Variants in BORCS7 observed in about 807,000 individuals in gnomAD.
The protein encoded by BORCS7 is BLOC-1-related complex subunit 7.
A neutral mutation model predicts 17.5 loss-of-function variants in BORCS7; 20 were observed. That is an observed-to-expected ratio of 1.14 (90% CI 0.80 to 1.66). The LOEUF is 1.66. Ranked by LOEUF, BORCS7 falls within the 40% of genes most tolerant of loss-of-function variation. The pLI, the probability that BORCS7 is intolerant of heterozygous loss-of-function variation, is 0.00. For missense variants in BORCS7, 122 were observed against 129.7 expected, an observed-to-expected ratio of 0.94 and a Z score of 0.29; for synonymous variants, 57 against 49.8, an observed-to-expected ratio of 1.14 and a Z score of -0.61.
At chr10:102,858,251 A>G (rs1844462446) in intron 1 of BORCS7, among the ~76,000 whole-genome samples, 1 of 151,906 alleles carries the variant, frequency 6.6e-6, no homozygotes, top group Non-Finnish European at 1.5e-5. Context: ...AAGTACACAT[A>G]GTATGTTACA....
At chr10:102,859,566 T>C (rs1325982771) in intron 1 of BORCS7, among the ~76,000 whole-genome samples, 1 of 148,668 alleles carries the variant, frequency 6.7e-6, no homozygotes, top group Non-Finnish European at 1.5e-5. Flanking sequence ...TCCATTTTTT[T>C]TTTCTTTTTT....
chr10:102,855,182 C>T (rs1300280966), intron 1 of BORCS7, among the ~76,000 whole-genome samples: 1 of 129,742 alleles, frequency 7.7e-6, no homozygotes, highest in African/African-American at 3.0e-5. Flanking sequence ...TTTTTTGAGA[C>T]GGAGTCTAGC....
At position 102,863,268 on chromosome 10, in the gene BORCS7, G is replaced by C. The variant is rs1192983791; in HGVS notation, c.*344G>C. On this transcript the variant is annotated 3_prime_UTR_variant, in exon 5 of 5. Transcript: ENST00000339834. ...GAGAATCGCTTGAACCCAGGAGGTGGAGGTTGCAGTGAGCCAAGATCGCGC... is the reference window on the plus strand; with the variant it reads ...GAGAATCGCTTGAACCCAGGAGGTGCAGGTTGCAGTGAGCCAAGATCGCGC... 1 of 175,586 alleles carries C rather than the reference G, an allele frequency of 5.7e-6. No individual in the cohort carries two copies. Among genetic ancestry groups the C allele is most frequent in the Non-Finnish European group, 1.2e-5 (1 of 83,174 alleles). The allele number at this position is 175,586 out of a possible 1,614,324, so 10.9% of individuals were successfully genotyped here.
intron 1 of BORCS7, among the ~76,000 whole-genome samples, chr10:102,857,172 C>T (rs1844440274): frequency 6.6e-6 from 1 of 152,154 alleles, no homozygotes; most frequent in African/African-American, 2.4e-5. Context: ...ACTCCTGCCC[C>T]ACTACATGCT....
At chr10:102,862,777 G>A (rs1460673793) in intron 4 of BORCS7, 96 bp from the exon 5 acceptor site, 1 of 1,040,676 alleles carries the variant, frequency 9.6e-7, no homozygotes, top group South Asian at 1.3e-5. Flanking sequence ...GTGAGACCCT[G>A]TCTGTAATGG....
In BORCS7 at chr10:102,863,931, C is replaced by T. The variant is rs567120770; in HGVS notation, c.*1007C>T. 9.9e-5 allele frequency: 15 copies of T among 152,170 alleles called. No individual in the cohort carries two copies. The highest frequency in any genetic ancestry group is 1.9e-4 in the Non-Finnish European group (13 of 68,030). The allele number at this position is 152,170 out of a possible 1,614,324, so 9.4% of individuals were successfully genotyped here. On this transcript the variant is annotated 3_prime_UTR_variant, in exon 5 of 5. Transcript: ENST00000339834. Reference sequence around the variant, plus strand: ...ATCATCAGCAAATTCACTTGCATGACGTTACTGCCAAATATGAAGGCAGTT... The same window carrying T: ...ATCATCAGCAAATTCACTTGCATGATGTTACTGCCAAATATGAAGGCAGTT...
In BORCS7 at chr10:102,860,820, G is replaced by A. The variant is rs147384542; in HGVS notation, c.248+279G>A. 65 of 549,216 alleles carry A rather than the reference G, an allele frequency of 1.2e-4. 1 individual carries two copies. Among genetic ancestry groups the A allele is most frequent in the South Asian group, 8.8e-4 (40 of 45,358 alleles). 34.0% of individuals were successfully genotyped at this position (549,216 alleles called of 1,614,324 possible). A position where few individuals can be genotyped will look rare whatever the true frequency, so the allele number is the denominator to read the frequency against. Reference sequence around the variant, plus strand: ...TATAAACCCTGTAAAGGCAGGGCCCGTGCCAGGACCATGCTAGCACTGTAC... The same window carrying A: ...TATAAACCCTGTAAAGGCAGGGCCCATGCCAGGACCATGCTAGCACTGTAC... On this transcript the variant is annotated intron_variant, in intron 3 of 4. Transcript: ENST00000339834.
At chr10:102,860,656 G>C (rs1844502693) in intron 3 of BORCS7, 115 bp downstream of exon 3, 1 of 1,120,192 alleles carries the variant, frequency 8.9e-7, no homozygotes, top group African/African-American at 1.5e-5. Context: ...GTAAAGGTGG[G>C]GGTGGCCAAG....
At chr10:102,857,666 C>T (rs187819414) in intron 1 of BORCS7, among the ~76,000 whole-genome samples, 1 of 152,088 alleles carries the variant, frequency 6.6e-6, no homozygotes, top group African/African-American at 2.4e-5. Flanking sequence ...ATTTTTTGTA[C>T]CACTACTTAC....
chr10:102,862,798 T>A (rs993156597), intron 4 of BORCS7, 75 bp from the exon 5 acceptor site: 49 of 1,387,044 alleles, frequency 3.5e-5, no homozygotes, highest in East Asian at 9.2e-5. Context: ...AAAAAAAAAA[T>A]TTGTAAATAG....
At chr10:102,859,989 T>C (rs1442997548) in intron 1 of BORCS7, among the ~76,000 whole-genome samples, 1 of 152,210 alleles carries the variant, frequency 6.6e-6, no homozygotes, top group Admixed American at 6.5e-5. Flanking sequence ...TTACGAGTCA[T>C]GTTCTCTCAC....
intron 1 of BORCS7, among the ~76,000 whole-genome samples, chr10:102,856,192 C>T (rs934025672): frequency 2.6e-5 from 4 of 152,124 alleles, no homozygotes; most frequent in African/African-American, 9.7e-5. Context: ...TCTTGCATGC[C>T]TGCGCTTCTC....
chr10:102,863,064 G>A lies in BORCS7; in HGVS notation c.*140G>A, dbSNP rs1358868741. Reference sequence around the variant, plus strand: ...AAAGTTCTGTGTTAGGGCCGGGCGCGGTAGCTCACGCCTGTAATCCCAGCA... The same window carrying A: ...AAAGTTCTGTGTTAGGGCCGGGCGCAGTAGCTCACGCCTGTAATCCCAGCA... On this transcript the variant is annotated 3_prime_UTR_variant, in exon 5 of 5. Coordinates refer to ENST00000339834, the MANE Select transcript of BORCS7 (RefSeq NM_001136200.2). 6 of 718,944 alleles carry A rather than the reference G, an allele frequency of 8.3e-6. No homozygotes were observed. The highest frequency in any genetic ancestry group is 1.7e-5 in the South Asian group (1 of 58,584). 44.5% of individuals were successfully genotyped at this position (718,944 alleles called of 1,614,324 possible). A position where few individuals can be genotyped will look rare whatever the true frequency, so the allele number is the denominator to read the frequency against.
intron 3 of BORCS7, 82 bp from the exon 4 acceptor site, chr10:102,862,078 T>C: frequency 7.5e-7 from 1 of 1,332,980 alleles, no homozygotes; most frequent in Non-Finnish European, 1.1e-6. Context: ...TGAAATTTCT[T>C]CTGCCTATAT....
chr10:102,859,857 C>T (rs1844489030), intron 1 of BORCS7, among the ~76,000 whole-genome samples: 1 of 152,202 alleles, frequency 6.6e-6, no homozygotes, highest in Admixed American at 6.5e-5. Flanking sequence ...AGCCACCGCA[C>T]CTGGCCTTCT....
chr10:102,857,678 G>C (rs914181282), intron 1 of BORCS7, among the ~76,000 whole-genome samples: 1 of 152,152 alleles, frequency 6.6e-6, no homozygotes, highest in Non-Finnish European at 1.5e-5. Flanking sequence ...ACTACTTACC[G>C]TGGCAAAAGA....
At chr10:102,854,983 A>G (rs1307246245) in intron 1 of BORCS7, among the ~76,000 whole-genome samples, 1 of 147,320 alleles carries the variant, frequency 6.8e-6, no homozygotes, top group East Asian at 1.9e-4. Context: ...TATGTAATAT[A>G]TATTATATAT....
At chr10:102,857,586 G>C (rs1442304729) in intron 1 of BORCS7, among the ~76,000 whole-genome samples, 1 of 152,082 alleles carries the variant, frequency 6.6e-6, no homozygotes, top group Admixed American at 6.6e-5. Flanking sequence ...AACATATGCT[G>C]GCAAAAAGAT....
At chr10:102,860,616 C>T (rs1844502159) in intron 3 of BORCS7, 75 bp downstream of exon 3, 3 of 1,517,978 alleles carry the variant, frequency 2.0e-6, no homozygotes, top group Non-Finnish European at 2.7e-6. Flanking sequence ...CTTTGTGCTT[C>T]AGCACTTTCC....
Sources: allele counts gnomAD v4.1 joint callset (sites outside exome capture counted in the v4.1 genomes callset), GRCh38; gene constraint gnomAD v4.1.1; transcripts MANE v1.5; gene names NCBI Gene and HGNC (gene_info 2026-07-23, HGNC 2026-07-21).